Variants in INTS15 observed in about 807,000 individuals in gnomAD.
INTS15 encodes uncharacterized protein C7orf26.
chr7:6,591,250 CTGT>C, the INTS15 span, among the ~76,000 whole-genome samples: 1 of 150,224 alleles, frequency 6.7e-6, no homozygotes, highest in Non-Finnish European at 1.5e-5. Flanking sequence ...CGGGAAAATA[CTGT>C]TATTTCCTGT....
At chr7:6,607,920 C>T in the INTS15 span, 129 of 1,594,160 alleles carry the variant, frequency 8.1e-5, no homozygotes, top group East Asian at 2.8e-3. The surrounding 1 kb of genome is among the most constrained non-coding windows in gnomAD (Gnocchi z 6.0). Flanking sequence ...GCGGAGTCCC[C>T]GGAGCCCGCC....
At chr7:6,592,896 C>T in the INTS15 span, among the ~76,000 whole-genome samples, 1 of 152,126 alleles carries the variant, frequency 6.6e-6, no homozygotes, top group Non-Finnish European at 1.5e-5. Flanking sequence ...AAGCATGAGC[C>T]ACTGCGCCCA....
the INTS15 span, among the ~76,000 whole-genome samples, chr7:6,598,032 C>T: frequency 1.3e-5 from 2 of 152,222 alleles, no homozygotes; most frequent in Non-Finnish European, 1.5e-5. Flanking sequence ...ATGATGAGGG[C>T]ACACCTGCAC....
At chr7:6,590,502 G>A in the INTS15 span, 4 of 1,528,670 alleles carry the variant, frequency 2.6e-6, no homozygotes, top group Non-Finnish European at 3.5e-6. Flanking sequence ...TCGGGTTCCC[G>A]GGCCCCGCAG....
the INTS15 span, among the ~76,000 whole-genome samples, chr7:6,590,969 G>A: frequency 1.3e-5 from 2 of 151,850 alleles, no homozygotes; most frequent in Non-Finnish European, 2.9e-5. Context: ...CTTCTGAGTA[G>A]CTGGGACTCC....
chr7:6,590,194 GC>G, the INTS15 span: 3 of 1,211,560 alleles, frequency 2.5e-6, no homozygotes, highest in South Asian at 3.7e-5. Flanking sequence ...GGCCCGGGTC[GC>G]GCCTCTTTGT....
the INTS15 span, chr7:6,599,691 A>G: frequency 1.5e-5 from 12 of 804,202 alleles, no homozygotes; most frequent in Non-Finnish European, 2.2e-5. Flanking sequence ...GGGACAGAAA[A>G]TAGCTAAGCC....
At chr7:6,601,477 G>A in the INTS15 span, among the ~76,000 whole-genome samples, 1 of 151,714 alleles carries the variant, frequency 6.6e-6, no homozygotes, top group African/African-American at 2.4e-5. Flanking sequence ...TGTATTTTTA[G>A]TAGAGACGGG....
At chr7:6,593,649 GTT>G in the INTS15 span, among the ~76,000 whole-genome samples, 81 of 130,700 alleles carry the variant, frequency 6.2e-4, 1 homozygote, top group Admixed American at 1.6e-3. Context: ...GTGTTTTTCT[GTT>G]TTTTTTTTTT....
At chr7:6,592,973 G>A in the INTS15 span, among the ~76,000 whole-genome samples, 5 of 152,106 alleles carry the variant, frequency 3.3e-5, no homozygotes, top group African/African-American at 1.2e-4. Flanking sequence ...TCATCATGTG[G>A]CAGTTCACTG....
the INTS15 span, among the ~76,000 whole-genome samples, chr7:6,593,897 C>T: frequency 6.6e-5 from 10 of 151,110 alleles, no homozygotes; most frequent in South Asian, 2.1e-4. Context: ...GTGATCCTCC[C>T]GCCTCGGCCT....
At chr7:6,597,076 C>G in the INTS15 span, among the ~76,000 whole-genome samples, 1 of 152,198 alleles carries the variant, frequency 6.6e-6, no homozygotes, top group Non-Finnish European at 1.5e-5. Context: ...ACTGTGCCAG[C>G]TGCATATGCT....
the INTS15 span, chr7:6,591,623 C>G: frequency 5.6e-6 from 9 of 1,604,314 alleles, no homozygotes; most frequent in Admixed American, 8.3e-5. Flanking sequence ...TTTCTTAACG[C>G]TTTTCCGGGA....
chr7:6,597,124 G>C, the INTS15 span, among the ~76,000 whole-genome samples: 2 of 152,144 alleles, frequency 1.3e-5, no homozygotes, highest in East Asian at 3.9e-4. Context: ...TTTCCTCGTG[G>C]AATGGGAGGC....
chr7:6,602,925 C>T, the INTS15 span, among the ~76,000 whole-genome samples: 3 of 152,170 alleles, frequency 2.0e-5, no homozygotes, highest in Non-Finnish European at 2.9e-5. Flanking sequence ...AGCTTCTCAC[C>T]GTAAGATTTT....
chr7:6,602,090 C>G, the INTS15 span: 1 of 1,612,394 alleles, frequency 6.2e-7, no homozygotes, highest in South Asian at 1.1e-5. Context: ...CTTGTATCTC[C>G]TTAATTGCAG....
the INTS15 span, chr7:6,590,524 G>C: frequency 6.7e-7 from 1 of 1,494,834 alleles, no homozygotes; most frequent in Non-Finnish European, 8.9e-7. Context: ...CGGGCGGGCG[G>C]GCCTTTTCCC....
chr7:6,602,034 A>G, the INTS15 span: 1 of 1,387,498 alleles, frequency 7.2e-7, no homozygotes, highest in Non-Finnish European at 1.0e-6. Flanking sequence ...CTTGCAAAGA[A>G]CGTCAGTGTG....
chr7:6,603,664 C>T, the INTS15 span, among the ~76,000 whole-genome samples: 2 of 151,992 alleles, frequency 1.3e-5, no homozygotes, highest in African/African-American at 4.8e-5. Flanking sequence ...CATGGTGAAA[C>T]CCCATCTCTA....
Sources: gnomAD v4.1 joint callset for allele counts (sites outside exome capture counted in the v4.1 genomes callset) on GRCh38, gnomAD v4.1.1 for gene constraint, Gnocchi (gnomAD v3.1) non-coding constraint, MANE v1.5 for transcripts, NCBI Gene and HGNC (gene_info 2026-07-23, HGNC 2026-07-21) for gene names.